Variants in CPA3 observed in about 807,000 individuals in gnomAD.
CPA3 encodes carboxypeptidase A3.
CPA3 carries 52 observed loss-of-function variants against 55.8 expected under a neutral mutation model. The observed-to-expected ratio is 0.93, with a 90% CI of 0.75 to 1.17. The LOEUF is 1.17. Ranked by LOEUF, CPA3 falls within the 50% of genes most tolerant of loss-of-function variation. The pLI, the probability that CPA3 is intolerant of heterozygous loss-of-function variation, is 0.00. For missense variants in CPA3, 547 were observed against 509.1 expected (o/e 1.07, Z -0.72); for synonymous variants, 179 against 171.2 (o/e 1.05, Z -0.36).
At chr3:148,883,505 G>C in intron 8 of CPA3, 108 bp from the exon 9 acceptor site, 3 of 876,038 alleles carry the variant, frequency 3.4e-6, no homozygotes, top group Admixed American at 4.4e-5. Context: ...GTAAACATGA[G>C]AGGCAAAAAC....
chr3:148,867,002 C>T (rs562133364), intron 2 of CPA3, among the ~76,000 whole-genome samples: 17 of 152,224 alleles, frequency 1.1e-4, no homozygotes, highest in African/African-American at 2.2e-4. Flanking sequence ...GTGATCCACC[C>T]GCCTCAGCCT....
rs774219245 is a variant in CPA3 at position 148,868,972 on chromosome 3, T to C, written c.202T>C (p.Phe68Leu). Residue 68 changes from phenylalanine to leucine, a missense_variant, in exon 3 of 11, where the codon TTC becomes CTC. Transcript: ENST00000296046. ...CGTAGCTGCTAATATGATGGTGGAT[T>C]TCCGAGTTAGTGAGAAGGAATCCCA... ...HHVAANMMVDFRVSEKESQAI... is the reference protein window; with the variant it reads ...HHVAANMMVDLRVSEKESQAI... The C allele has an allele frequency of 1.2e-6, 2 of 1,614,086 alleles. No homozygotes were observed. The highest frequency in any genetic ancestry group is 1.7e-6 in the Non-Finnish European group (2 of 1,179,980).
chr3:148,865,769 C>A (rs1163294150), intron 2 of CPA3, among the ~76,000 whole-genome samples: 1 of 152,118 alleles, frequency 6.6e-6, no homozygotes, highest in Non-Finnish European at 1.5e-5. Flanking sequence ...AAAAGCTTTT[C>A]AAACACCAGC....
intron 9 of CPA3, among the ~76,000 whole-genome samples, chr3:148,884,338 AC>A (rs1339408363): frequency 6.6e-6 from 1 of 152,180 alleles, no homozygotes; most frequent in African/African-American, 2.4e-5. Context: ...TCCATTAAGC[AC>A]CATTTTGTTT....
At chr3:148,887,195 C>T (rs768747494) in intron 10 of CPA3, among the ~76,000 whole-genome samples, 7 of 151,988 alleles carry the variant, frequency 4.6e-5, no homozygotes, top group African/African-American at 1.2e-4. Context: ...GGTACTCAAC[C>T]GGAGAATCAT....
intron 10 of CPA3, among the ~76,000 whole-genome samples, chr3:148,893,087 G>A (rs1043245277): frequency 6.6e-6 from 1 of 152,072 alleles, no homozygotes; most frequent in African/African-American, 2.4e-5. Context: ...ATTATTTAAT[G>A]TAATAGCTAA....
At chr3:148,876,966 T>A (rs1714223011) in intron 3 of CPA3, among the ~76,000 whole-genome samples, 1 of 152,172 alleles carries the variant, frequency 6.6e-6, no homozygotes, top group Non-Finnish European at 1.5e-5. Context: ...GAGCACTAAC[T>A]TCCCCATCTG....
chr3:148,880,358 G>T (rs548011812), intron 6 of CPA3, among the ~76,000 whole-genome samples: 34 of 145,610 alleles, frequency 2.3e-4, no homozygotes, highest in African/African-American at 6.0e-4. Context: ...TTGAGATGGA[G>T]TCTCACTCTG....
intron 10 of CPA3, among the ~76,000 whole-genome samples, chr3:148,893,504 A>G (rs972530553): frequency 6.6e-6 from 1 of 152,186 alleles, no homozygotes; most frequent in Non-Finnish European, 1.5e-5. Flanking sequence ...ACAAAAATAA[A>G]TAACTAAACA....
chr3:148,872,841 G>C (rs1409646704), intron 3 of CPA3, among the ~76,000 whole-genome samples: 1 of 152,194 alleles, frequency 6.6e-6, no homozygotes. Context: ...AAGCAACGCT[G>C]TCTGGGTCCA....
intron 3 of CPA3, among the ~76,000 whole-genome samples, chr3:148,869,616 T>C (rs1363762528): frequency 6.6e-6 from 1 of 151,920 alleles, no homozygotes; most frequent in Non-Finnish European, 1.5e-5. Flanking sequence ...ACAGTTTAAA[T>C]CAAAGAGAAA....
intron 3 of CPA3, among the ~76,000 whole-genome samples, chr3:148,876,055 T>C (rs951167877): frequency 2.6e-5 from 4 of 151,998 alleles, no homozygotes; most frequent in African/African-American, 9.7e-5. Context: ...GAAAATACCC[T>C]AAAAACATAA....
chr3:148,878,883 C>G, intron 5 of CPA3, 135 bp downstream of exon 5: 3 of 588,624 alleles, frequency 5.1e-6, no homozygotes, highest in South Asian at 2.3e-5. Flanking sequence ...CTCTAGACAT[C>G]CATTAAAGAA....
At position 148,883,812 on chromosome 3, in the gene CPA3, C is replaced by G; in HGVS notation, c.978C>G (p.Asp326Glu). ...YTSKLPPNHE[D>E]LAKVAKIGTD... Reference sequence around the variant, plus strand: ...CAAAACTGCCACCTAACCATGAGGACTTGGTACGTAGACAAAAGTTTGCAC... The same window carrying G: ...CAAAACTGCCACCTAACCATGAGGAGTTGGTACGTAGACAAAAGTTTGCAC... Residue 326 changes from aspartate (D) to glutamate (E), a missense_variant, in exon 9 of 11, where the codon GAC becomes GAG. Transcript: ENST00000296046. The G allele has an allele frequency of 1.2e-6, 2 of 1,612,688 alleles. No homozygotes were observed. The highest frequency in any genetic ancestry group is 1.7e-6 in the Non-Finnish European group (2 of 1,178,714).
intron 3 of CPA3, among the ~76,000 whole-genome samples, chr3:148,870,399 C>T (rs1216570122): frequency 6.6e-6 from 1 of 152,030 alleles, no homozygotes; most frequent in Admixed American, 6.6e-5. Context: ...TACTACTGCT[C>T]ACCATAAACT....
chr3:148,872,652 T>A (rs1714097820), intron 3 of CPA3, among the ~76,000 whole-genome samples: 1 of 152,202 alleles, frequency 6.6e-6, no homozygotes, highest in Non-Finnish European at 1.5e-5. Flanking sequence ...AGTGTTTCAA[T>A]CAAATCATTC....
At chr3:148,868,795 G>A (rs1713978460) in intron 2 of CPA3, 120 bp from the exon 3 acceptor site, 1 of 1,088,998 alleles carries the variant, frequency 9.2e-7, no homozygotes, top group East Asian at 2.5e-5. Flanking sequence ...AGAAGGGTCT[G>A]TATCTTAGTT....
Position 148,896,791 on chromosome 3 carries a change from G to A in CPA3, c.*84G>A. 8.7e-7 allele frequency: 1 copy of A among 1,147,208 alleles called. No individual in the cohort carries two copies. The highest frequency in any genetic ancestry group is 1.2e-6 in the Non-Finnish European group (1 of 835,888). 71.1% of individuals were successfully genotyped at this position (1,147,208 alleles called of 1,614,324 possible). A position where few individuals can be genotyped will look rare whatever the true frequency, so the allele number is the denominator to read the frequency against. On this transcript the variant is annotated 3_prime_UTR_variant, in exon 11 of 11. Transcript: ENST00000296046. ...AGTCAATCTTCAGTTATCCCCAAAT[G>A]CAGCTTCTATTTCACCTGAATCCTT... is the stretch of plus-strand genomic sequence containing the variant.
At chr3:148,877,965 C>T (rs1055264772) in intron 3 of CPA3, among the ~76,000 whole-genome samples, 5 of 151,956 alleles carry the variant, frequency 3.3e-5, no homozygotes, top group East Asian at 1.9e-4. Flanking sequence ...CAGTACAATA[C>T]GAGCCACATG....
Sources: allele counts gnomAD v4.1 joint callset (sites outside exome capture counted in the v4.1 genomes callset), GRCh38; gene constraint gnomAD v4.1.1; transcripts MANE v1.5; gene names NCBI Gene and HGNC (gene_info 2026-07-23, HGNC 2026-07-21).